Variants in TG observed in about 807,000 individuals in gnomAD.
TG encodes the protein thyroid hormones.
A neutral mutation model predicts 324.7 loss-of-function variants in TG; 270 were observed. The ratio of observed to expected loss-of-function variants is 0.83; its 90% CI spans 0.75 to 0.92. TG has a LOEUF of 0.92. TG is among the 40% of genes least tolerant of loss of function. TG has a pLI of 0.00. For missense variants in TG, 3,591 were observed against 3,456.4 expected (o/e 1.04, Z -0.98); for synonymous variants, 1,401 against 1,327.0 (o/e 1.06, Z -1.21).
chr8:133,107,360 T>C (rs1325035564), intron 43 of TG, among the ~76,000 whole-genome samples: 1 of 152,218 alleles, frequency 6.6e-6, no homozygotes, highest in Non-Finnish European at 1.5e-5. Context: ...GATGTGTTAA[T>C]GGCAGTCCTT....
At chr8:133,049,642 T>C in intron 41 of TG, 1 of 468,242 alleles carries the variant, frequency 2.1e-6, no homozygotes, top group South Asian at 2.2e-5. Context: ...TGTTTACCAC[T>C]CTGTGCCAGG....
intron 35 of TG, among the ~76,000 whole-genome samples, chr8:133,007,471 G>A (rs1476046509): frequency 6.6e-6 from 1 of 152,032 alleles, no homozygotes; most frequent in East Asian, 1.9e-4. Context: ...AATATAGCCA[G>A]CCAGATAAAC....
chr8:132,878,415 C>G (rs193064056), intron 5 of TG, among the ~76,000 whole-genome samples: 4 of 152,042 alleles, frequency 2.6e-5, no homozygotes, highest in East Asian at 1.9e-4. Flanking sequence ...AGGAGATTGA[C>G]GCTATCCTGG....
chr8:132,892,603 G>A lies in TG; in HGVS notation c.2762-1087G>A, dbSNP rs140607804. Reference sequence around the variant, plus strand: ...TCCAGGTTGTGGAAAGAGCTGCTGCGAAGAAAACAGCTGAGGCAAAAATGT... The same window carrying A: ...TCCAGGTTGTGGAAAGAGCTGCTGCAAAGAAAACAGCTGAGGCAAAAATGT... On this transcript the variant is annotated intron_variant, in intron 10 of 47. Coordinates refer to ENST00000220616, the MANE Select transcript of TG (RefSeq NM_003235.5). Among the ~76,000 whole-genome samples, 352 of 152,310 alleles carry A rather than the reference G, an allele frequency of 2.3e-3. 1 individual carries two copies. The highest frequency in any genetic ancestry group is 6.8e-3 in the Middle Eastern group (2 of 294).
intron 28 of TG, among the ~76,000 whole-genome samples, chr8:132,961,538 A>G (rs1827762355): frequency 6.6e-6 from 1 of 152,170 alleles, no homozygotes; most frequent in African/African-American, 2.4e-5. Context: ...GGAAAAATGG[A>G]GAGTCTGACA....
rs114211101 is a variant in TG at position 133,113,602 on chromosome 8, C to T, written c.7753C>T (p.Arg2585Trp). ...CTCCCGGGCTCTGGAGAATGCCACC[C>T]GGTAAGCTAAGCTGCAGGAGGGTGC... ...SFSRALENAT[R>W]DYFIICPIID... Residue 2585 changes from arginine to tryptophan, a missense_variant and splice_region_variant, in exon 44 of 48, where the codon CGG becomes TGG. Arg to Trp is a moderately radical substitution (Grantham distance 101). Transcript: ENST00000220616. The T allele has an allele frequency of 3.4e-4, 554 of 1,613,776 alleles. 1 individual carries two copies. In the East Asian group the frequency reaches 6.9e-3, roughly 20 times the overall value.
At chr8:133,070,029 A>AAAAAAAAAAAAAAAAAAAAAAAC (rs376711807) in intron 41 of TG, among the ~76,000 whole-genome samples, 2 of 109,812 alleles carry the variant, frequency 1.8e-5, no homozygotes, top group African/African-American at 7.8e-5. Flanking sequence ...AAAAAAAAGA[A>AAAAAAAAAAAAAAAAAAAAAAAC]AGAAAGAAAG....
chr8:132,916,899 C>T (rs1310966928), intron 20 of TG, among the ~76,000 whole-genome samples: 2 of 123,244 alleles, frequency 1.6e-5, no homozygotes, highest in African/African-American at 4.9e-5. Flanking sequence ...AGAGCTGGTT[C>T]CCTATGGATT....
At chr8:133,024,641 A>C (rs1743727800) in intron 40 of TG, among the ~76,000 whole-genome samples, 1 of 149,496 alleles carries the variant, frequency 6.7e-6, no homozygotes, top group Admixed American at 6.7e-5. Flanking sequence ...ACTCCCACTT[A>C]TGAATGAGAA....
chr8:133,056,986 T>G (rs1157519605), intron 41 of TG, among the ~76,000 whole-genome samples: 1 of 152,162 alleles, frequency 6.6e-6, no homozygotes, highest in African/African-American at 2.4e-5. Context: ...TTTCAGTTAC[T>G]TCCCAGGGGA....
chr8:132,958,245 G>A (rs1003882562), intron 27 of TG, among the ~76,000 whole-genome samples: 12 of 152,116 alleles, frequency 7.9e-5, no homozygotes, highest in Non-Finnish European at 1.5e-4. Context: ...ATGACCAAAA[G>A]TATGTTAAAA....
At chr8:132,899,796 G>A (rs1044062604) in intron 14 of TG, among the ~76,000 whole-genome samples, 2 of 152,148 alleles carry the variant, frequency 1.3e-5, no homozygotes, top group African/African-American at 4.8e-5. Flanking sequence ...GCTTAGAGGC[G>A]CTCTGAGGTG....
At chr8:133,005,629 G>C (rs1042818615) in intron 35 of TG, among the ~76,000 whole-genome samples, 1 of 152,304 alleles carries the variant, frequency 6.6e-6, no homozygotes. Context: ...GCTCAGAGAA[G>C]GGGAGTGGCT....
chr8:132,912,933 A>T, intron 19 of TG, 114 bp from the exon 20 acceptor site: 2 of 988,890 alleles, frequency 2.0e-6, no homozygotes, highest in Admixed American at 4.0e-5. Flanking sequence ...ACACCACATG[A>T]TGCCTATGTC....
At chr8:133,080,411 C>T (rs1845571523) in intron 41 of TG, among the ~76,000 whole-genome samples, 1 of 152,156 alleles carries the variant, frequency 6.6e-6, no homozygotes, top group East Asian at 1.9e-4. Flanking sequence ...GGCCTAGGCT[C>T]ATGGGCTCTG....
chr8:132,921,654 T>C (rs1354281571), intron 21 of TG, among the ~76,000 whole-genome samples: 1 of 152,198 alleles, frequency 6.6e-6, no homozygotes, highest in South Asian at 2.1e-4. Flanking sequence ...ATAGTTCAGG[T>C]CTCTATTATT....
At position 132,886,808 on chromosome 8, in the gene TG, A is replaced by C; in HGVS notation, c.1436A>C (p.Asn479Thr). 2 of 1,614,204 alleles carry C rather than the reference A, an allele frequency of 1.2e-6. No individual in the cohort carries two copies. Among genetic ancestry groups the C allele is most frequent in the Non-Finnish European group, 1.7e-6 (2 of 1,180,036 alleles). ...CTTTTTGGAGGGAAATTTTTGGTGA[A>C]TGTTGGCCAGTTTAACTTGTCTGGA... is the stretch of plus-strand genomic sequence containing the variant. Reference protein sequence around the residue: ...QNLFGGKFLVNVGQFNLSGAL... With the variant: ...QNLFGGKFLVTVGQFNLSGAL... Residue 479 changes from asparagine to threonine, a missense_variant, in exon 9 of 48, where the codon AAT (asparagine) becomes ACT (threonine). By Grantham distance (65) the Asn-to-Thr change is moderately conservative. Transcript: ENST00000220616.
At chr8:133,077,543 G>A (rs1845084007) in intron 41 of TG, among the ~76,000 whole-genome samples, 1 of 152,176 alleles carries the variant, frequency 6.6e-6, no homozygotes, top group African/African-American at 2.4e-5. Context: ...CTATCCCAAA[G>A]CCTGGGCTGT....
chr8:133,095,844 T>C (rs1848320291), intron 42 of TG, among the ~76,000 whole-genome samples: 1 of 152,234 alleles, frequency 6.6e-6, no homozygotes, highest in East Asian at 1.9e-4. Flanking sequence ...CAGGCTAATT[T>C]GATCATAGCT....
Sources: allele counts gnomAD v4.1 joint callset (sites outside exome capture counted in the v4.1 genomes callset), GRCh38; gene constraint gnomAD v4.1.1; transcripts MANE v1.5; gene names NCBI Gene and HGNC (gene_info 2026-07-23, HGNC 2026-07-21).